Variants in XRN1 observed in about 807,000 individuals in gnomAD.
The protein encoded by XRN1 is 5'-3' exoribonuclease 1, also known as strand-exchange protein 1 homolog.
XRN1 carries 67 observed loss-of-function variants against 222.3 expected under a neutral mutation model. That is an observed-to-expected ratio of 0.30 (90% CI 0.25 to 0.37). The LOEUF (loss-of-function observed/expected upper bound fraction) is 0.37, where lower values mean the gene tolerates loss of function less well. XRN1 is among the 10% of genes least tolerant of loss of function. XRN1 has a pLI of 1.00. For missense variants in XRN1, 1,707 were observed against 2,000.2 expected (o/e 0.85, Z 2.80); for synonymous variants, 643 against 652.4 (o/e 0.99, Z 0.22).
chr3:142,401,175 A>G (rs1014673140), intron 18 of XRN1, among the ~76,000 whole-genome samples: 3 of 152,192 alleles, frequency 2.0e-5, no homozygotes, highest in Non-Finnish European at 4.4e-5. Flanking sequence ...TGAAAAAAGA[A>G]TATTAGACTT....
intron 29 of XRN1, among the ~76,000 whole-genome samples, chr3:142,363,297 C>T (rs2066708789): frequency 6.6e-6 from 1 of 151,352 alleles, no homozygotes; most frequent in Non-Finnish European, 1.5e-5. Flanking sequence ...TTCTTTTACA[C>T]TAAACAAGTC....
chr3:142,361,606 T>A (rs1192091828), intron 29 of XRN1, among the ~76,000 whole-genome samples: 1 of 152,220 alleles, frequency 6.6e-6, no homozygotes, highest in African/African-American at 2.4e-5. Flanking sequence ...ACACTTGGTA[T>A]AATCACTCTT....
rs1279203333 is a variant in XRN1, at chr3:142,414,219, T to G, written c.1509A>C (p.Glu503Asp). ...CAAATGGCTTAAAAGGTTTTCCTAG[T>G]TCAAAATGGATTTTGAGTGTACTGA... ...HNISTLKIHF[E>D]LGKPFKPFEQ... The change falls in exon 14 of 41, where the codon GAA (glutamate) becomes GAC (aspartate). Residue 503 changes from glutamate (E) to aspartate (D), a missense_variant. Physicochemically the swap from Glu to Asp is conservative, Grantham distance 45. Coordinates refer to ENST00000392981, the MANE Select transcript of XRN1 (RefSeq NM_001282857.2). The G allele has an allele frequency of 1.8e-5, 29 of 1,613,916 alleles. No individual in the cohort carries two copies. The highest frequency in any genetic ancestry group is 1.6e-4 in the Middle Eastern group (1 of 6,080).
intron 39 of XRN1, 125 bp from the exon 40 acceptor site, chr3:142,312,883 T>TA (rs745688567): frequency 2.7e-4 from 268 of 1,005,232 alleles, no homozygotes; most frequent in Admixed American, 4.6e-4. Flanking sequence ...GGCCTACACT[T>TA]ACTTCACCTA....
Position 142,355,400 on chromosome 3 carries a change from CCTT to C in XRN1, c.3766_3768del (p.Lys1256del), listed in dbSNP as rs1273048003. On this transcript the variant is annotated inframe_deletion and splice_region_variant, in exon 32 of 41. Transcript: ENST00000392981. ...TGTCCATCAAAACAAGGAATACTAA[CCTT>C]CTCTTGTATAGTTGGCTGAAAGTAT... 3 of 1,502,542 alleles carry C rather than the reference CCTT, an allele frequency of 2.0e-6. No individual in the cohort carries two copies. Among genetic ancestry groups the C allele is most frequent in the South Asian group, 1.4e-5 (1 of 69,564 alleles). The allele number at this position is 1,502,542 out of a possible 1,614,324, so 93.1% of individuals were successfully genotyped here. A position where few individuals can be genotyped will look rare whatever the true frequency, so the allele number is the denominator to read the frequency against.
At chr3:142,432,973 T>C in intron 1 of XRN1, 80 bp from the exon 2 acceptor site, 6 of 1,078,016 alleles carry the variant, frequency 5.6e-6, no homozygotes, top group Non-Finnish European at 8.0e-6. Context: ...AAAGTGATTA[T>C]TCAATGATGA....
chr3:142,381,906 C>T (rs1041018766), intron 22 of XRN1, among the ~76,000 whole-genome samples: 6 of 152,074 alleles, frequency 3.9e-5, no homozygotes, highest in African/African-American at 1.4e-4. Flanking sequence ...GTCCCTCCCT[C>T]TCCAACCTGC....
chr3:142,381,149 C>A (rs771965307), intron 22 of XRN1, among the ~76,000 whole-genome samples: 2 of 151,838 alleles, frequency 1.3e-5, no homozygotes, highest in Non-Finnish European at 2.9e-5. Flanking sequence ...CCAGATTCAC[C>A]TGTTGTTAGC....
intron 10 of XRN1, 113 bp downstream of exon 10, chr3:142,420,903 A>G: frequency 7.4e-7 from 1 of 1,352,268 alleles, no homozygotes; most frequent in Non-Finnish European, 1.0e-6. Context: ...TATAGAGAGG[A>G]AGAGAAATAA....
chr3:142,445,019 G>T (rs1559892976), intron 1 of XRN1, among the ~76,000 whole-genome samples: 1 of 152,010 alleles, frequency 6.6e-6, no homozygotes, highest in African/African-American at 2.4e-5. Flanking sequence ...TGCTGCTTTG[G>T]TTTTTTCTTT....
Position 142,307,433 on chromosome 3 carries a change from C to G in XRN1, c.*4078G>C, listed in dbSNP as rs1167747201. 1 of 152,040 alleles carries G rather than the reference C, an allele frequency of 6.6e-6. No individual in the cohort carries two copies. The highest frequency in any genetic ancestry group is 1.5e-5 in the Non-Finnish European group (1 of 68,002). 9.4% of individuals were successfully genotyped at this position (152,040 alleles called of 1,614,324 possible). A position where few individuals can be genotyped will look rare whatever the true frequency, so the allele number is the denominator to read the frequency against. ...AAATGTATCTTTTGGAAACCATAGT[C>G]TCCTTCACAAATTGCACTTGAGATG... On this transcript the variant is annotated 3_prime_UTR_variant, in exon 41 of 41. Transcript: ENST00000392981.
intron 30 of XRN1, among the ~76,000 whole-genome samples, 166 bp from the exon 31 acceptor site, chr3:142,357,285 T>C (rs2066490254): frequency 6.6e-6 from 1 of 152,176 alleles, no homozygotes; most frequent in South Asian, 2.1e-4. Flanking sequence ...ATTTATAAGA[T>C]GATGTATTTC....
chr3:142,426,557 C>G (rs1451313128), intron 3 of XRN1, 187 bp downstream of exon 3: 3 of 553,354 alleles, frequency 5.4e-6, no homozygotes, highest in Admixed American at 3.3e-5. Flanking sequence ...AAAATCCCTA[C>G]AGTTTTTGTA....
At position 142,414,210 on chromosome 3, in the gene XRN1, T is replaced by A; in HGVS notation, c.1518A>T (p.Lys506Asn). 6.2e-7 allele frequency: 1 copy of A among 1,613,964 alleles called. No homozygotes were observed. Among genetic ancestry groups the A allele is most frequent in the Non-Finnish European group, 8.5e-7 (1 of 1,179,932 alleles). Residue 506 changes from lysine to asparagine, a missense_variant, in exon 14 of 41, where the codon AAA (lysine) becomes AAT (asparagine). Around this residue, in one of 2 missense-constraint regions of XRN1, gnomAD observed 1,234 missense variants for 1,518.2 expected, o/e 0.81. Transcript: ENST00000392981. ...GAAGCTGTTCAAATGGCTTAAAAGG[T>A]TTTCCTAGTTCAAAATGGATTTTGA... ...STLKIHFELG[K>N]PFKPFEQLLA...
chr3:142,410,215 TTAAG>T (rs2068510703), intron 15 of XRN1, among the ~76,000 whole-genome samples: 1 of 152,216 alleles, frequency 6.6e-6, no homozygotes, highest in African/African-American at 2.4e-5. Context: ...TCTTTTACTA[TTAAG>T]TATGTTGTTT....
At chr3:142,342,386 C>G (rs1018160293) in intron 33 of XRN1, among the ~76,000 whole-genome samples, 1 of 152,062 alleles carries the variant, frequency 6.6e-6, no homozygotes, top group African/African-American at 2.4e-5. Flanking sequence ...TCTACAGATT[C>G]AATGCAATCC....
chr3:142,338,357 C>A (rs1012802449), intron 33 of XRN1, among the ~76,000 whole-genome samples: 1 of 152,162 alleles, frequency 6.6e-6, no homozygotes, highest in Non-Finnish European at 1.5e-5. Context: ...CGCCCTGGGC[C>A]AGAAGGGAAC....
intron 27 of XRN1, among the ~76,000 whole-genome samples, chr3:142,367,374 C>T (rs551062484): frequency 1.4e-4 from 14 of 96,818 alleles, no homozygotes; most frequent in East Asian, 4.9e-4. Context: ...CAAGATTCTC[C>T]GGTGATTTGT....
Position 142,447,575 on chromosome 3 carries a change from A to G in XRN1, c.75+295T>C, listed in dbSNP as rs1007452604. Among the ~76,000 whole-genome samples, 1 of 152,220 alleles carries G rather than the reference A, an allele frequency of 6.6e-6. No homozygotes were observed. The highest frequency in any genetic ancestry group is 6.5e-5 in the Admixed American group (1 of 15,286). Reference sequence around the variant, plus strand: ...GCTCCCCGGGAGGAAACCGGAGAACAGTAAAAGCGTTCTTTCCCAGGACTT... The same window carrying G: ...GCTCCCCGGGAGGAAACCGGAGAACGGTAAAAGCGTTCTTTCCCAGGACTT... On this transcript the variant is annotated intron_variant, in intron 1 of 40. Transcript: ENST00000392981. This position sits in a 1 kb window ranked among gnomAD's most constrained non-coding sequence, Gnocchi z 4.2.
Sources: allele counts gnomAD v4.1 joint callset (sites outside exome capture counted in the v4.1 genomes callset), GRCh38; gene constraint gnomAD v4.1.1; regional missense constraint gnomAD v4.1.1; non-coding constraint Gnocchi (gnomAD v3.1); transcripts MANE v1.5; gene names NCBI Gene and HGNC (gene_info 2026-07-23, HGNC 2026-07-21).